The following SPATA7 variants were observed in gnomAD, a reference collection of about 807,000 sequenced individuals.
SPATA7 encodes the protein spermatogenesis-associated protein 7.
In SPATA7, 43 loss-of-function variants were observed where a neutral mutation model predicts 51.8. The ratio of observed to expected loss-of-function variants is 0.83; its 90% CI spans 0.65 to 1.07. SPATA7 has a LOEUF of 1.07. SPATA7 is among the 50% of genes least tolerant of loss of function. The pLI is 0.00. For missense variants in SPATA7, 683 were observed against 701.3 expected, an observed-to-expected ratio of 0.97 and a Z score of 0.30; for synonymous variants, 230 against 252.8, an observed-to-expected ratio of 0.91 and a Z score of 0.86.
chr14:88,429,070 T>TA (rs2076870258), intron 7 of SPATA7: 1 of 229,134 alleles, frequency 4.4e-6, no homozygotes, highest in Non-Finnish European at 8.7e-6. Flanking sequence ...AAGTTGAAAA[T>TA]TTGCTTCATT....
chr14:88,431,329 A>T, intron 9 of SPATA7, 104 bp downstream of exon 9: 1 of 1,114,634 alleles, frequency 9.0e-7, no homozygotes. Context: ...CTCTTTTTTT[A>T]AAACTGGCAA....
chr14:88,468,778 G>T, intron 4 of SPATA7: 2 of 998,610 alleles, frequency 2.0e-6, no homozygotes, highest in Non-Finnish European at 3.0e-6. Flanking sequence ...ACAGCCTTTT[G>T]CAGGGAACAT....
At chr14:88,464,850 A>C (rs535400555) in intron 4 of SPATA7, among the ~76,000 whole-genome samples, 7 of 152,236 alleles carry the variant, frequency 4.6e-5, no homozygotes, top group Non-Finnish European at 5.9e-5. Flanking sequence ...ATTACTGTAC[A>C]TAGTTGTATA....
At chr14:88,429,228 A>T (rs2076875769) in intron 7 of SPATA7, 120 bp from the exon 8 acceptor site, 1 of 637,800 alleles carries the variant, frequency 1.6e-6, no homozygotes, top group East Asian at 2.9e-5. Context: ...TCTTTGTCGT[A>T]CTGTATAATT....
chr14:88,417,877 G>T (rs530982697), intron 5 of SPATA7, among the ~76,000 whole-genome samples: 1 of 152,200 alleles, frequency 6.6e-6, no homozygotes, highest in African/African-American at 2.4e-5. Context: ...TCTAGCTTGT[G>T]TACATTTGGT....
rs201038372 is a variant in SPATA7 at position 88,438,222 on chromosome 14, C to T, written c.1600C>T (p.Arg534Trp). 36 of 1,613,848 alleles carry T rather than the reference C, an allele frequency of 2.2e-5. No homozygotes were observed. Among genetic ancestry groups the T allele is most frequent in the African/African-American group, 5.3e-5 (4 of 74,902 alleles). ...AAGTATTTCAGACAGTTTAACAGAT[C>T]GGGAAACTTCTGTGAATGTCATTGA... ...HPSISDSLTD[R>W]ETSVNVIEGD... The change falls in exon 12 of 12, where the codon CGG becomes TGG. Residue 534 changes from arginine to tryptophan, a missense_variant. Coordinates refer to ENST00000393545, the MANE Select transcript of SPATA7 (RefSeq NM_018418.5).
At chr14:88,455,579 A>T (rs995170264), downstream of SPATA7, among the ~76,000 whole-genome samples, 1 of 151,552 alleles carries the variant, frequency 6.6e-6, no homozygotes, top group African/African-American at 2.4e-5. Flanking sequence ...AAATATACAC[A>T]CCTTTACAAA....
chr14:88,434,970 A>T (rs1327145530), intron 10 of SPATA7, among the ~76,000 whole-genome samples: 1 of 152,200 alleles, frequency 6.6e-6, no homozygotes, highest in Non-Finnish European at 1.5e-5. Context: ...TTTTTAAGAA[A>T]CTGTTGATAC....
At chr14:88,467,997 G>A (rs761156386) in intron 4 of SPATA7, 9 of 1,080,550 alleles carry the variant, frequency 8.3e-6, no homozygotes, top group East Asian at 2.4e-5. Context: ...TCAGCGTGCC[G>A]CCATTCAGAC....
chr14:88,446,989 G>A (rs1208121737), intron 3 of SPATA7, among the ~76,000 whole-genome samples: 1 of 152,210 alleles, frequency 6.6e-6, no homozygotes, highest in Non-Finnish European at 1.5e-5. Context: ...TTCTGTAGAT[G>A]TCTATTATGT....
At chr14:88,412,431 G>A (rs1408337076) in intron 4 of SPATA7, among the ~76,000 whole-genome samples, 2 of 152,064 alleles carry the variant, frequency 1.3e-5, no homozygotes, top group African/African-American at 2.4e-5. Flanking sequence ...ATGTTTGAGG[G>A]CAGGAAGCAT....
chr14:88,436,526 A>C (rs761414023), intron 10 of SPATA7, among the ~76,000 whole-genome samples: 1 of 152,098 alleles, frequency 6.6e-6, no homozygotes. Context: ...TTTTCCCTCA[A>C]TGTTTTCATT....
chr14:88,469,050 G>A lies in SPATA7; in HGVS notation c.255-797G>A, dbSNP rs777169798. On this transcript the variant is annotated intron_variant, in intron 4 of 4. Coordinates refer to the SPATA7 transcript ENST00000556406. This position sits in a 1 kb window ranked among gnomAD's most constrained non-coding sequence, Gnocchi z 4.3. ...TCACTTGTGCTATTTGTATGGCGTC[G>A]AACAGACTGGATCTCTTCAAGATAT... 1.1e-5 allele frequency: 18 copies of A among 1,613,752 alleles called. 1 individual carries two copies. The highest frequency in any genetic ancestry group is 3.3e-5 in the South Asian group (3 of 91,046).
intron 3 of SPATA7, among the ~76,000 whole-genome samples, chr14:88,447,916 C>T (rs1261995138): frequency 6.6e-6 from 1 of 151,598 alleles, no homozygotes; most frequent in Non-Finnish European, 1.5e-5. Context: ...CTGCCCTTAA[C>T]ATTTTTTCCT....
intron 4 of SPATA7, among the ~76,000 whole-genome samples, chr14:88,411,010 G>A (rs1282663222): frequency 2.1e-5 from 3 of 142,038 alleles, no homozygotes; most frequent in African/African-American, 9.4e-5. Flanking sequence ...TCTGTCCCAG[G>A]GAGTTTTATC....
intron 4 of SPATA7, among the ~76,000 whole-genome samples, chr14:88,408,650 T>C (rs758042115): frequency 6.6e-6 from 1 of 152,206 alleles, no homozygotes; most frequent in African/African-American, 2.4e-5. Flanking sequence ...CTGTGTTGAA[T>C]AGGAGTGATG....
At chr14:88,466,331 A>T (rs1187812766) in intron 4 of SPATA7, 1 of 152,156 alleles carries the variant, frequency 6.6e-6, no homozygotes, top group Non-Finnish European at 1.5e-5. Context: ...ACTTTCAATT[A>T]GTTTTCATTA....
At chr14:88,418,138 T>C (rs1382691360) in intron 5 of SPATA7, among the ~76,000 whole-genome samples, 2 of 151,264 alleles carry the variant, frequency 1.3e-5, no homozygotes, top group Non-Finnish European at 2.9e-5. Flanking sequence ...ATTTGTGCCT[T>C]CATTCTTCTT....
chr14:88,402,297 C>T (rs150671982), intron 4 of SPATA7, among the ~76,000 whole-genome samples: 3 of 152,134 alleles, frequency 2.0e-5, no homozygotes, highest in African/African-American at 4.8e-5. Flanking sequence ...AACAAACAAT[C>T]GTAAAATTCA....
Sources: allele counts gnomAD v4.1 joint callset (sites outside exome capture counted in the v4.1 genomes callset), GRCh38; gene constraint gnomAD v4.1.1; non-coding constraint Gnocchi (gnomAD v3.1); transcripts MANE v1.5; gene names NCBI Gene and HGNC (gene_info 2026-07-23, HGNC 2026-07-21).